SLC25A48: variants seen among roughly 807,000 people sequenced by gnomAD.
The protein encoded by SLC25A48 is solute carrier family 25 member 48, also known as CTC-321K16.1.
SLC25A48 carries 29 observed loss-of-function variants against 32.2 expected under a neutral mutation model. That is an observed-to-expected ratio of 0.90 (90% confidence interval 0.67 to 1.23). The LOEUF (loss-of-function observed/expected upper bound fraction) is 1.23, where lower values mean the gene tolerates loss of function less well. Ranked by LOEUF, SLC25A48 falls within the 50% of genes most tolerant of loss-of-function variation. The pLI, the probability that SLC25A48 is intolerant of heterozygous loss-of-function variation, is 0.00. For synonymous variants in SLC25A48, 164 were observed against 172.3 expected, an observed-to-expected ratio of 0.95 and a Z score of 0.38; for missense variants, 399 against 422.7, an observed-to-expected ratio of 0.94 and a Z score of 0.49.
chr5:135,875,361 C>G (rs1761963720), intron 6 of SLC25A48: 2 of 152,240 alleles, frequency 1.3e-5, no homozygotes, highest in African/African-American at 4.8e-5. Flanking sequence ...TTCTGACGTC[C>G]TGTTTTACTC....
chr5:135,865,854 C>G (rs1207299111), intron 4 of SLC25A48, among the ~76,000 whole-genome samples: 2 of 152,086 alleles, frequency 1.3e-5, no homozygotes, highest in Non-Finnish European at 2.9e-5. Context: ...AGTTCGTGGA[C>G]TAAGAAAACA....
intron 3 of SLC25A48, among the ~76,000 whole-genome samples, chr5:135,794,621 G>A (rs1410067470): frequency 1.3e-5 from 2 of 151,672 alleles, no homozygotes; most frequent in Non-Finnish European, 2.9e-5. Context: ...TAGGTGGAGA[G>A]AGAATAAATT....
intron 3 of SLC25A48, among the ~76,000 whole-genome samples, chr5:135,681,716 C>T (rs1040095415): frequency 6.6e-6 from 1 of 152,184 alleles, no homozygotes; most frequent in Non-Finnish European, 1.5e-5. Flanking sequence ...ATTTAAGCTA[C>T]TTAGAAACAA....
chr5:135,870,461 G>C (rs1761547619), intron 4 of SLC25A48, among the ~76,000 whole-genome samples: 1 of 152,164 alleles, frequency 6.6e-6, no homozygotes, highest in African/African-American at 2.4e-5. Flanking sequence ...CAGAGTCTCA[G>C]CTGGCTATGT....
chr5:135,809,657 C>T (rs1261358270), intron 3 of SLC25A48, among the ~76,000 whole-genome samples: 1 of 152,166 alleles, frequency 6.6e-6, no homozygotes, highest in East Asian at 1.9e-4. Context: ...CAACCTCTGG[C>T]CCCTGGCAAC....
chr5:135,804,128 A>G (rs2345448), intron 3 of SLC25A48, among the ~76,000 whole-genome samples: 98,040 of 151,258 alleles, frequency 0.65, 34,025 homozygotes, highest in Non-Finnish European at 0.78. Flanking sequence ...TCTCCCTATG[A>G]TATTATGAAT....
chr5:135,761,072 T>C (rs1272582982), intron 3 of SLC25A48, among the ~76,000 whole-genome samples: 1 of 151,478 alleles, frequency 6.6e-6, no homozygotes, highest in Non-Finnish European at 1.5e-5. Flanking sequence ...GACCAAGGAG[T>C]GGAGGATAGC....
At chr5:135,703,924 C>A (rs574545087) in intron 3 of SLC25A48, among the ~76,000 whole-genome samples, 53 of 152,362 alleles carry the variant, frequency 3.5e-4, no homozygotes, top group Non-Finnish European at 6.2e-4. Flanking sequence ...GTCATGAGCA[C>A]CCTCTTGGTT....
chr5:135,668,846 A>G (rs1370328322), intron 3 of SLC25A48, among the ~76,000 whole-genome samples: 2 of 152,240 alleles, frequency 1.3e-5, no homozygotes, highest in Non-Finnish European at 2.9e-5. Flanking sequence ...TAAACAAAGC[A>G]ATTTAACACA....
chr5:135,716,288 A>G (rs1255855278), intron 3 of SLC25A48, among the ~76,000 whole-genome samples: 1 of 152,230 alleles, frequency 6.6e-6, no homozygotes, highest in Admixed American at 6.5e-5. Flanking sequence ...AAACTGGGAG[A>G]GAACTGCTCC....
chr5:135,646,656 CCAT>C (rs1752965155), intron 3 of SLC25A48, among the ~76,000 whole-genome samples: 1 of 54,544 alleles, frequency 1.8e-5, no homozygotes, highest in African/African-American at 5.6e-5. Flanking sequence ...ATATAATTTC[CCAT>C]TATATATATA....
At chr5:135,667,759 G>A (rs1407584827) in intron 3 of SLC25A48, among the ~76,000 whole-genome samples, 4 of 152,156 alleles carry the variant, frequency 2.6e-5, no homozygotes, top group Non-Finnish European at 4.4e-5. Flanking sequence ...ATGACGTAAA[G>A]CCATAAAAAA....
chr5:135,862,372 T>G (rs571017826), intron 4 of SLC25A48, among the ~76,000 whole-genome samples: 2 of 152,338 alleles, frequency 1.3e-5, no homozygotes, highest in South Asian at 4.1e-4. Flanking sequence ...GACTGAACAT[T>G]AACTCTGTGC....
At chr5:135,827,441 T>C (rs1366727831) in intron 4 of SLC25A48, 1 of 152,208 alleles carries the variant, frequency 6.6e-6, no homozygotes, top group Non-Finnish European at 1.5e-5. Flanking sequence ...AAAATCTATT[T>C]TTTACTATTT....
chr5:135,601,491 G>T (rs946674218), intron 1 of SLC25A48, among the ~76,000 whole-genome samples: 2 of 152,168 alleles, frequency 1.3e-5, no homozygotes, highest in South Asian at 4.1e-4. Context: ...TGTACTTGAA[G>T]AATTTGTCTT....
At chr5:135,715,049 C>T (rs1754759469) in intron 3 of SLC25A48, among the ~76,000 whole-genome samples, 2 of 152,158 alleles carry the variant, frequency 1.3e-5, no homozygotes, top group Admixed American at 6.5e-5. Context: ...GTAAGCATTT[C>T]TGGGGCCGCA....
At chr5:135,826,537 G>A (rs1216454683) in intron 4 of SLC25A48, 2 of 152,238 alleles carry the variant, frequency 1.3e-5, no homozygotes, top group Non-Finnish European at 2.9e-5. Context: ...CCAGAAGCTG[G>A]TTTTGTAAAT....
chr5:135,635,434 G>C (rs1005509653), intron 3 of SLC25A48, among the ~76,000 whole-genome samples: 3 of 152,212 alleles, frequency 2.0e-5, no homozygotes, highest in Non-Finnish European at 4.4e-5. Context: ...ACCAACAACA[G>C]CAACAATCCC....
intron 3 of SLC25A48, among the ~76,000 whole-genome samples, chr5:135,697,086 G>A (rs1053583316): frequency 3.3e-5 from 5 of 151,652 alleles, no homozygotes; most frequent in Non-Finnish European, 5.9e-5. Flanking sequence ...TTATGGTTTT[G>A]AAAAAAAGGA....
Sources: gnomAD v4.1 joint callset for allele counts (sites outside exome capture counted in the v4.1 genomes callset) on GRCh38, gnomAD v4.1.1 for gene constraint, MANE v1.5 for transcripts, NCBI Gene and HGNC (gene_info 2026-07-23, HGNC 2026-07-21) for gene names.